The following FAM184A variants were observed in gnomAD, a reference collection of about 807,000 sequenced individuals.
The protein encoded by FAM184A is family with sequence similarity 184 member A.
A neutral mutation model predicts 143.8 loss-of-function variants in FAM184A; 99 were observed. The ratio of observed to expected loss-of-function variants is 0.69; its 90% confidence interval spans 0.58 to 0.81. The LOEUF (loss-of-function observed/expected upper bound fraction) is 0.81. Among genes scored for constraint, FAM184A ranks in the 40% least tolerant of loss-of-function variants. The pLI is 0.00. For synonymous variants in FAM184A, 427 were observed against 446.4 expected (o/e 0.96, Z 0.55); for missense variants, 1,217 against 1,310.5 (o/e 0.93, Z 1.10).
At position 118,979,538 on chromosome 6, in the gene FAM184A, AATT is replaced by A. The variant is rs1295926137; in HGVS notation, c.2302-23_2302-21del. The A allele has an allele frequency of 6.4e-7, 1 of 1,574,776 alleles. No homozygotes were observed. Among genetic ancestry groups the A allele is most frequent in the Non-Finnish European group, 8.6e-7 (1 of 1,162,426 alleles). On this transcript the variant is annotated intron_variant, in intron 10 of 17. Transcript: ENST00000338891. ...AAGAGCCTAGAACAAGACAAATTCAAATTATTATGCTAGAATATAGGAAGGAAA... is the reference window on the plus strand; with the variant it reads ...AAGAGCCTAGAACAAGACAAATTCAAATTATGCTAGAATATAGGAAGGAAA...
intron 1 of FAM184A, among the ~76,000 whole-genome samples, chr6:119,133,670 G>T (rs563216364): frequency 6.6e-6 from 1 of 152,066 alleles, no homozygotes; most frequent in Admixed American, 6.5e-5. Context: ...AAGGCTGACC[G>T]TTGAGGGCTG....
chr6:118,991,748 G>C (rs1784384053), intron 9 of FAM184A, among the ~76,000 whole-genome samples: 1 of 126,350 alleles, frequency 7.9e-6, no homozygotes, highest in African/African-American at 2.8e-5. Context: ...GCCCCTGAGA[G>C]GACTTTTTTT....
intron 1 of FAM184A, among the ~76,000 whole-genome samples, chr6:119,142,574 C>T (rs2114892903): frequency 6.6e-6 from 1 of 152,244 alleles, no homozygotes; most frequent in East Asian, 1.9e-4. Flanking sequence ...GCGAGTCAAG[C>T]AGCACAGGGA....
intron 5 of FAM184A, 117 bp downstream of exon 5, chr6:119,016,630 G>A (rs778009655): frequency 7.5e-6 from 6 of 795,024 alleles, no homozygotes; most frequent in East Asian, 2.7e-5. Flanking sequence ...CACTCACCGC[G>A]GGGGTCCGTG....
chr6:119,029,425 TGA>T (rs1273520281), intron 1 of FAM184A, among the ~76,000 whole-genome samples: 1 of 152,222 alleles, frequency 6.6e-6, no homozygotes, highest in Non-Finnish European at 1.5e-5. Context: ...CCTCCTTTAA[TGA>T]GTCTTCCATG....
At chr6:119,133,868 G>C (rs191575638) in intron 1 of FAM184A, among the ~76,000 whole-genome samples, 1 of 151,384 alleles carries the variant, frequency 6.6e-6, no homozygotes, top group Non-Finnish European at 1.5e-5. Flanking sequence ...TGTTGTCCAG[G>C]CTTGTCTCAA....
At chr6:119,035,294 TCACACATACCTCATTATA>T (rs1260329279) in intron 1 of FAM184A, among the ~76,000 whole-genome samples, 11 of 151,830 alleles carry the variant, frequency 7.2e-5, no homozygotes, top group Admixed American at 1.3e-4. Flanking sequence ...GAAGAGGGGG[TCACACATACCTCATTATA>T]CCCTCCTCCC....
chr6:118,985,728 G>C (rs1363954132), intron 9 of FAM184A, among the ~76,000 whole-genome samples: 8 of 152,102 alleles, frequency 5.3e-5, no homozygotes, highest in Non-Finnish European at 1.2e-4. Flanking sequence ...TTATGACTGG[G>C]ACAAGAAAGT....
intron 1 of FAM184A, among the ~76,000 whole-genome samples, chr6:119,123,344 A>G (rs7776256): frequency 0.91 from 138,799 of 152,066 alleles, 63,405 homozygotes; most frequent in East Asian, 1. Context: ...AGCCGAGATC[A>G]TGCCACTGCA....
intron 15 of FAM184A, among the ~76,000 whole-genome samples, chr6:118,965,201 G>GTTTTTTT (rs1304097783): frequency 2.4e-5 from 1 of 41,798 alleles, no homozygotes; most frequent in African/African-American, 9.0e-5. Flanking sequence ...AGTTTTTTTT[G>GTTTTTTT]TTTGTTTTTT....
intron 1 of FAM184A, among the ~76,000 whole-genome samples, chr6:119,064,335 T>C (rs1446906784): frequency 1.3e-5 from 2 of 152,226 alleles, no homozygotes; most frequent in African/African-American, 4.8e-5. Context: ...GTAACCTGAC[T>C]GCTTCTCTCC....
chr6:119,142,933 C>A (rs1192209777), intron 1 of FAM184A, among the ~76,000 whole-genome samples: 1 of 152,132 alleles, frequency 6.6e-6, no homozygotes, highest in Non-Finnish European at 1.5e-5. Flanking sequence ...AGAACACAGA[C>A]ACTCAAAAGG....
intron 1 of FAM184A, among the ~76,000 whole-genome samples, chr6:119,040,043 C>G (rs992600575): frequency 1.3e-5 from 2 of 152,228 alleles, no homozygotes; most frequent in Non-Finnish European, 2.9e-5. Context: ...GTCCTAGCAT[C>G]AGGTTAAACG....
chr6:119,018,026 G>A (rs1455602214), intron 4 of FAM184A, among the ~76,000 whole-genome samples: 2 of 152,128 alleles, frequency 1.3e-5, no homozygotes, highest in Admixed American at 6.5e-5. Flanking sequence ...TTTCATGCAC[G>A]GACCGCAGAA....
intron 16 of FAM184A, chr6:118,963,074 AATAATAC>A (rs1175848708): frequency 1.3e-5 from 2 of 152,136 alleles, no homozygotes; most frequent in Non-Finnish European, 2.9e-5. Flanking sequence ...AGAAAATAAT[AATAATAC>A]CTTCCTCAGA....
chr6:119,091,377 A>C (rs984427130), intron 1 of FAM184A, among the ~76,000 whole-genome samples: 2 of 152,184 alleles, frequency 1.3e-5, no homozygotes, highest in African/African-American at 4.8e-5. Context: ...CTCAATGCGT[A>C]TATCACATCC....
At chr6:119,104,110 C>T (rs1295065758) in intron 1 of FAM184A, among the ~76,000 whole-genome samples, 1 of 151,784 alleles carries the variant, frequency 6.6e-6, no homozygotes, top group Non-Finnish European at 1.5e-5. Flanking sequence ...GATCAGGGCT[C>T]ACTGCAGCCT....
chr6:118,983,135 A>G (rs937124038), intron 9 of FAM184A, among the ~76,000 whole-genome samples: 6 of 152,212 alleles, frequency 3.9e-5, no homozygotes, highest in Non-Finnish European at 8.8e-5. Context: ...CAAGACAGTA[A>G]TGTGAATTAT....
intron 7 of FAM184A, among the ~76,000 whole-genome samples, chr6:119,004,601 A>G (rs1784865721): frequency 6.6e-6 from 1 of 152,202 alleles, no homozygotes; most frequent in African/African-American, 2.4e-5. Context: ...CCTCAATGCA[A>G]AGTACATCAT....
Sources: gnomAD v4.1 joint callset for allele counts (sites outside exome capture counted in the v4.1 genomes callset) on GRCh38, gnomAD v4.1.1 for gene constraint, MANE v1.5 for transcripts, NCBI Gene and HGNC (gene_info 2026-07-23, HGNC 2026-07-21) for gene names.